The following COL28A1 variants were observed in gnomAD, a reference collection of about 807,000 sequenced individuals.
COL28A1 encodes the protein collagen alpha-1(XXVIII) chain.
A neutral mutation model predicts 150.2 loss-of-function variants in COL28A1; 161 were observed. That is an observed-to-expected ratio of 1.07 (90% CI 0.94 to 1.22). COL28A1 has a LOEUF of 1.22. Ranked by LOEUF, COL28A1 falls within the 50% of genes most tolerant of loss-of-function variation. COL28A1 has a pLI of 0.00. For synonymous variants in COL28A1, 552 were observed against 469.7 expected, an observed-to-expected ratio of 1.18 and a Z score of -2.26; for missense variants, 1,617 against 1,388.3, an observed-to-expected ratio of 1.16 and a Z score of -2.62.
intron 25 of COL28A1, among the ~76,000 whole-genome samples, chr7:7,426,333 G>T (rs1784640103): frequency 6.6e-6 from 1 of 152,132 alleles, no homozygotes; most frequent in Non-Finnish European, 1.5e-5. Context: ...ACTCTGGAAT[G>T]AATTACATAA....
intron 33 of COL28A1, among the ~76,000 whole-genome samples, chr7:7,361,576 A>G (rs2128278452): frequency 6.6e-6 from 1 of 152,224 alleles, no homozygotes. Flanking sequence ...TTTGATCTAC[A>G]TTTCTCTAAT....
intron 13 of COL28A1, among the ~76,000 whole-genome samples, chr7:7,479,349 A>G (rs1488245250): frequency 1.3e-5 from 2 of 152,230 alleles, no homozygotes; most frequent in Non-Finnish European, 2.9e-5. Context: ...ACTGTTCTCA[A>G]AGTAGAAGAA....
chr7:7,517,285 TAC>T (rs1781467531), intron 7 of COL28A1, among the ~76,000 whole-genome samples: 2 of 152,166 alleles, frequency 1.3e-5, no homozygotes, highest in African/African-American at 4.8e-5. Flanking sequence ...TGCTATTTGA[TAC>T]ACTTACTGCA....
chr7:7,456,519 C>A (rs554012114), intron 15 of COL28A1, among the ~76,000 whole-genome samples: 2 of 151,688 alleles, frequency 1.3e-5, no homozygotes, highest in African/African-American at 2.4e-5. Context: ...TTCTAAATAC[C>A]CTTTCCCTCC....
chr7:7,479,693 A>C (rs1253281299), intron 13 of COL28A1, among the ~76,000 whole-genome samples: 1 of 152,238 alleles, frequency 6.6e-6, no homozygotes, highest in Non-Finnish European at 1.5e-5. Context: ...TCAAATTAAG[A>C]AGTTCATGTA....
intron 13 of COL28A1, among the ~76,000 whole-genome samples, chr7:7,479,207 C>G (rs1789195067): frequency 6.6e-6 from 1 of 152,208 alleles, no homozygotes. Context: ...GACTGTGGCT[C>G]TGTTTAAATT....
chr7:7,513,593 G>A (rs1416242997), intron 8 of COL28A1, among the ~76,000 whole-genome samples: 4 of 152,202 alleles, frequency 2.6e-5, no homozygotes, highest in Admixed American at 2.6e-4. Flanking sequence ...ATTTCTGAAT[G>A]CAAATGGAAA....
chr7:7,363,678 T>TTTG (rs943757780), intron 33 of COL28A1, among the ~76,000 whole-genome samples: 8 of 152,290 alleles, frequency 5.3e-5, no homozygotes, highest in East Asian at 1.9e-4. Context: ...TATCCATTTT[T>TTTG]TTGTTGTTGT....
downstream of COL28A1, chr7:7,357,849 G>A (rs1780413818): frequency 6.6e-6 from 1 of 152,120 alleles, no homozygotes; most frequent in Non-Finnish European, 1.5e-5. Context: ...AATACACACT[G>A]TTCAAGAGTG....
intron 11 of COL28A1, among the ~76,000 whole-genome samples, chr7:7,493,452 C>A (rs1010139383): frequency 1.3e-5 from 2 of 152,114 alleles, no homozygotes; most frequent in African/African-American, 4.8e-5. Flanking sequence ...AGTCAAGTAC[C>A]AAGAGCAGCT....
At chr7:7,340,459 A>G in the COL28A1 span, among the ~76,000 whole-genome samples, 1 of 152,024 alleles carries the variant, frequency 6.6e-6, no homozygotes, top group Non-Finnish European at 1.5e-5. Flanking sequence ...TCACTGTGTC[A>G]AGATTTTCTT....
chr7:7,347,447 A>C, the COL28A1 span, among the ~76,000 whole-genome samples: 1 of 152,088 alleles, frequency 6.6e-6, no homozygotes, highest in South Asian at 2.1e-4. Flanking sequence ...GGCTCCAAGA[A>C]AGGGGAATAC....
chr7:7,375,013 G>T (rs938838765), intron 31 of COL28A1, among the ~76,000 whole-genome samples: 2 of 152,096 alleles, frequency 1.3e-5, no homozygotes, highest in African/African-American at 4.8e-5. Flanking sequence ...CCCACCTTTG[G>T]GACTGAGTAC....
At chr7:7,502,583 C>A (rs76347026) in intron 11 of COL28A1, among the ~76,000 whole-genome samples, 1 of 151,782 alleles carries the variant, frequency 6.6e-6, no homozygotes, top group African/African-American at 2.4e-5. Flanking sequence ...GGAATCTTTG[C>A]AAATGTTGCA....
At chr7:7,536,756 G>A (rs1323270953), upstream of COL28A1, among the ~76,000 whole-genome samples, 1 of 152,164 alleles carries the variant, frequency 6.6e-6, no homozygotes, top group Non-Finnish European at 1.5e-5. Context: ...CCATTTTAAT[G>A]TGTATGAATT....
chr7:7,512,728 A>T (rs569293835), intron 8 of COL28A1, among the ~76,000 whole-genome samples: 1 of 152,182 alleles, frequency 6.6e-6, no homozygotes, highest in South Asian at 2.1e-4. Context: ...CGTTATTTTG[A>T]TCCTCAATTC....
rs141062428 is a variant in COL28A1 at position 7,514,078 on chromosome 7, C to G, written c.882+1736G>C. Among the ~76,000 whole-genome samples, 71 of 152,254 alleles carry G rather than the reference C, an allele frequency of 4.7e-4. 1 individual carries two copies. The East Asian group carries it at 0.01, about 22-fold the overall frequency. On this transcript the variant is annotated intron_variant, in intron 8 of 34. Coordinates refer to ENST00000399429, the MANE Select transcript of COL28A1 (RefSeq NM_001037763.3). ...CCAAGTGAGAACTCTTCCAGTGAAT[C>G]AATAATTCTCCAGAAAGTGAAATTA...
At chr7:7,363,233 T>C (rs1780762012) in intron 33 of COL28A1, among the ~76,000 whole-genome samples, 2 of 152,192 alleles carry the variant, frequency 1.3e-5, no homozygotes, top group African/African-American at 4.8e-5. Context: ...AGCACAGTTT[T>C]CTTCAAAGAA....
intron 27 of COL28A1, among the ~76,000 whole-genome samples, chr7:7,391,584 G>T (rs1364709132): frequency 1.3e-5 from 2 of 152,114 alleles, no homozygotes; most frequent in Non-Finnish European, 1.5e-5. Flanking sequence ...CTGTGTAAAA[G>T]TCTCCCACTA....
Sources: allele counts gnomAD v4.1 joint callset (sites outside exome capture counted in the v4.1 genomes callset), GRCh38; gene constraint gnomAD v4.1.1; transcripts MANE v1.5; gene names NCBI Gene and HGNC (gene_info 2026-07-23, HGNC 2026-07-21).